Variants in FBXO43 observed in about 807,000 individuals in gnomAD.
FBXO43 encodes the protein F-box only protein 43.
In FBXO43, 22 loss-of-function variants were observed where a neutral mutation model predicts 56.7. The observed-to-expected ratio is 0.39, with a 90% CI of 0.28 to 0.55. FBXO43 has a LOEUF of 0.55. Among genes scored for constraint, FBXO43 ranks in the 20% least tolerant of loss-of-function variants. FBXO43 has a pLI of 0.66. For synonymous variants in FBXO43, 306 were observed against 294.5 expected, an observed-to-expected ratio of 1.04 and a Z score of -0.40; for missense variants, 733 against 814.9, an observed-to-expected ratio of 0.90 and a Z score of 1.22.
At position 100,133,872 on chromosome 8, in the gene FBXO43, G is replaced by T. The variant is rs1814382170; in HGVS notation, c.2057C>A (p.Ala686Glu). ...AGCATCTTTTCTATTTCTTGGCTTT[G>T]CTGCTCCTCTACTACATTCTTCAGA... Reference protein sequence around the residue: ...HGSEECSRGAAKPRNRKDALP... With the variant: ...HGSEECSRGAEKPRNRKDALP... Residue 686 changes from alanine to glutamate, a missense_variant, in exon 5 of 5, where the codon GCA (alanine) becomes GAA (glutamate). Transcript: ENST00000428847. 6.2e-7 allele frequency: 1 copy of T among 1,612,716 alleles called. No individual in the cohort carries two copies.
In FBXO43 at chr8:100,142,069, G is replaced by A; in HGVS notation, c.185C>T (p.Ser62Phe). The change falls in exon 2 of 5, where the codon TCC (serine) becomes TTC (phenylalanine). Residue 62 changes from serine (S) to phenylalanine (F), a missense_variant. Physicochemically the swap from Ser to Phe is radical, Grantham distance 155 (BLOSUM62 -2). Coordinates refer to ENST00000428847, the MANE Select transcript of FBXO43 (RefSeq NM_001029860.4). ...DSPPIVNSKY[S>F]TFRDFCSTSS... ...TGTGGAACAAAAATCTCTGAAGGTG[G>A]AGTACTTGGAGTTGACAATTGGAGG... 2 of 1,613,726 alleles carry A rather than the reference G, an allele frequency of 1.2e-6. No homozygotes were observed. The highest frequency in any genetic ancestry group is 1.7e-6 in the Non-Finnish European group (2 of 1,179,856).
At chr8:100,144,857 G>C (rs1307482761) in intron 1 of FBXO43, 194 bp downstream of exon 1, 1 of 467,984 alleles carries the variant, frequency 2.1e-6, no homozygotes, top group East Asian at 4.3e-5. Flanking sequence ...GCGTGAACCC[G>C]GGAGGTGGAG....
At chr8:100,136,881 C>T (rs755878871) in intron 3 of FBXO43, 2 of 152,336 alleles carry the variant, frequency 1.3e-5, no homozygotes, top group East Asian at 1.9e-4. Context: ...GAAATGTTCA[C>T]CATTGTAATC....
In FBXO43 at chr8:100,142,145, G is replaced by A. The variant is rs758536837; in HGVS notation, c.109C>T (p.Gln37Ter). ...TDETEILKMS[Q>*]RHSGQAGTEA... The stretch of plus-strand genomic sequence containing the variant: ...GTGCCAGCTTGACCTGAGTGCCTTT[G>A]CGACATCTTCAAAATCTCTGTTTCT... Residue 37 changes from glutamine to a stop codon, truncating the protein, a stop_gained, in exon 2 of 5, where the codon CAA becomes TAA. Coordinates refer to ENST00000428847, the MANE Select transcript of FBXO43 (RefSeq NM_001029860.4). LOFTEE classifies it high-confidence loss of function. 2 of 1,567,960 alleles carry A rather than the reference G, an allele frequency of 1.3e-6. No individual in the cohort carries two copies. The highest frequency in any genetic ancestry group is 1.7e-6 in the Non-Finnish European group (2 of 1,160,806).
chr8:100,144,176 CAA>C (rs1814745231), intron 1 of FBXO43, among the ~76,000 whole-genome samples: 1 of 152,192 alleles, frequency 6.6e-6, no homozygotes, highest in African/African-American at 2.4e-5. Context: ...TTGTTAAAAA[CAA>C]AGTGGGGAAT....
At chr8:100,144,541 A>T (rs919257535) in intron 1 of FBXO43, among the ~76,000 whole-genome samples, 7 of 152,088 alleles carry the variant, frequency 4.6e-5, no homozygotes, top group Admixed American at 2.0e-4. Flanking sequence ...TTCACGGATA[A>T]ATCAATCAAG....
rs1322183551 is a variant in FBXO43, at chr8:100,145,619, G to C, written c.-484C>G. 1 of 151,868 alleles carries C rather than the reference G, an allele frequency of 6.6e-6. No homozygotes were observed. The highest frequency in any genetic ancestry group is 1.5e-5 in the Non-Finnish European group (1 of 68,328). 9.4% of individuals were successfully genotyped at this position (151,868 alleles called of 1,614,324 possible). A position where few individuals can be genotyped will look rare whatever the true frequency, so the allele number is the denominator to read the frequency against. ...CGGGCCGCCGGGAGACCCGCTAACG[G>C]GCACTCGCCTGGGGTCCCGCCGCCT... On this transcript the variant is annotated 5_prime_UTR_variant, in exon 1 of 5. Coordinates refer to ENST00000428847, the MANE Select transcript of FBXO43 (RefSeq NM_001029860.4).
upstream of FBXO43, among the ~76,000 whole-genome samples, chr8:100,148,960 A>C (rs780021115): frequency 1.3e-5 from 2 of 152,258 alleles, no homozygotes; most frequent in Non-Finnish European, 2.9e-5. Context: ...TTCTTAATAA[A>C]GAGTTAAAAG....
In FBXO43 at chr8:100,145,041, A is replaced by T; in HGVS notation, c.85+10T>A. ...AAATGTTCTTCATTTGTTAAAGTGG[A>T]AACTCTTACCATCAGTAAATCTTGA... On this transcript the variant is annotated intron_variant, in intron 1 of 4. Transcript: ENST00000428847. 6.2e-7 allele frequency: 1 copy of T among 1,606,332 alleles called. No homozygotes were observed. The highest frequency in any genetic ancestry group is 8.5e-7 in the Non-Finnish European group (1 of 1,175,918).
At chr8:100,139,977 C>A (rs1406399178) in intron 2 of FBXO43, among the ~76,000 whole-genome samples, 1 of 152,124 alleles carries the variant, frequency 6.6e-6, no homozygotes, top group Non-Finnish European at 1.5e-5. Flanking sequence ...TTATTTCTGA[C>A]CAAGTGTCAT....
chr8:100,134,393 C>A lies in FBXO43; in HGVS notation c.1675-29G>T, dbSNP rs370217279. ...TGGTAAAGGACAAGAGGCATCAATA[C>A]TGCAATACCAAAACAGTTCCGGGAT... On this transcript the variant is annotated intron_variant, in intron 3 of 4. Coordinates refer to ENST00000428847, the MANE Select transcript of FBXO43 (RefSeq NM_001029860.4). The A allele has an allele frequency of 4.9e-5, 78 of 1,583,234 alleles. 1 individual carries two copies. Among genetic ancestry groups the A allele is most frequent in the Non-Finnish European group, 6.7e-5 (77 of 1,154,364 alleles).
chr8:100,150,217 A>G (rs1319003595), upstream of FBXO43, among the ~76,000 whole-genome samples: 11 of 152,236 alleles, frequency 7.2e-5, no homozygotes, highest in Non-Finnish European at 2.9e-5. Context: ...CTGCCCCAGT[A>G]CAGATATCAA....
At position 100,140,843 on chromosome 8, in the gene FBXO43, C is replaced by A; in HGVS notation, c.1411G>T (p.Asp471Tyr). ...TGCAGTACAGCTATTTTCTCCCCATCCCCTTGCTCTAAGAATTCATGTCCA... is the reference window on the plus strand; with the variant it reads ...TGCAGTACAGCTATTTTCTCCCCATACCCTTGCTCTAAGAATTCATGTCCA... ...NSGHEFLEQG[D>Y]GEKIAVLQCI... The change falls in exon 2 of 5, where the codon GAT (aspartate) becomes TAT (tyrosine). Residue 471 changes from aspartate (D) to tyrosine (Y), a missense_variant. Physicochemically the swap from Asp to Tyr is radical, Grantham distance 160. Coordinates refer to ENST00000428847, the MANE Select transcript of FBXO43 (RefSeq NM_001029860.4). The A allele has an allele frequency of 1.2e-6, 2 of 1,614,234 alleles. No homozygotes were observed. The highest frequency in any genetic ancestry group is 1.7e-6 in the Non-Finnish European group (2 of 1,180,044).
chr8:100,149,263 C>T (rs911934823), upstream of FBXO43, among the ~76,000 whole-genome samples: 1 of 152,226 alleles, frequency 6.6e-6, no homozygotes, highest in Non-Finnish European at 1.5e-5. Context: ...TTGTATTCTA[C>T]ATATGTTGAT....
At position 100,141,429 on chromosome 8, in the gene FBXO43, A is replaced by T. The variant is rs1048033355; in HGVS notation, c.825T>A (p.Asp275Glu). Residue 275 changes from aspartate to glutamate, a missense_variant, in exon 2 of 5, where the codon GAT (aspartate) becomes GAA (glutamate). By Grantham distance (45) the Asp-to-Glu change is conservative. Transcript: ENST00000428847. Reference sequence around the variant, plus strand: ...CCAGGAGCTCTGGACATGCATTCTCATCATTAATGCATAAACTGCTATCAC... The same window carrying T: ...CCAGGAGCTCTGGACATGCATTCTCTTCATTAATGCATAAACTGCTATCAC... ...DFSDSSLCIN[D>E]ENACPELLGS... The T allele has an allele frequency of 1.2e-6, 2 of 1,605,086 alleles. No individual in the cohort carries two copies. The highest frequency in any genetic ancestry group is 2.7e-5 in the African/African-American group (2 of 74,752).
Position 100,141,376 on chromosome 8 carries a change from C to A in FBXO43, c.878G>T (p.Gly293Val). Residue 293 changes from glycine to valine, a missense_variant, in exon 2 of 5, where the codon GGA (glycine) becomes GTA (valine). Coordinates refer to ENST00000428847, the MANE Select transcript of FBXO43 (RefSeq NM_001029860.4). Reference protein sequence around the residue: ...LGSSVSGTTCGTDEDIFVTPI... With the variant: ...LGSSVSGTTCVTDEDIFVTPI... Reference sequence around the variant, plus strand: ...AGTCACAAATATGTCCTCATCTGTTCCACAAGTTGTTCCACTAACAGAGGA... The same window carrying A: ...AGTCACAAATATGTCCTCATCTGTTACACAAGTTGTTCCACTAACAGAGGA... 1 of 1,613,404 alleles carries A rather than the reference C, an allele frequency of 6.2e-7. No individual in the cohort carries two copies. The highest frequency in any genetic ancestry group is 8.5e-7 in the Non-Finnish European group (1 of 1,180,006).
chr8:100,137,479 C>A, intron 3 of FBXO43, 86 bp downstream of exon 3: 1 of 859,712 alleles, frequency 1.2e-6, no homozygotes, highest in Non-Finnish European at 1.8e-6. Context: ...TTAAAGATAG[C>A]AGGAAAACCA....
intron 3 of FBXO43, among the ~76,000 whole-genome samples, chr8:100,135,457 A>C (rs1229805529): frequency 1.3e-5 from 2 of 152,236 alleles, no homozygotes; most frequent in African/African-American, 4.8e-5. Flanking sequence ...TTGTTAGGAT[A>C]GTCCAGTTTG....
rs1563754307 is a variant in FBXO43 at position 100,141,607 on chromosome 8, A to G, written c.647T>C (p.Val216Ala). The G allele has an allele frequency of 6.2e-7, 1 of 1,612,800 alleles. No homozygotes were observed. The highest frequency in any genetic ancestry group is 1.1e-5 in the South Asian group (1 of 91,038). Residue 216 changes from valine to alanine, a missense_variant, in exon 2 of 5, where the codon GTG (valine) becomes GCG (alanine). Val to Ala is a moderately conservative substitution (Grantham distance 64). Coordinates refer to ENST00000428847, the MANE Select transcript of FBXO43 (RefSeq NM_001029860.4). ...LVTSTLKTEE[V>A]TSCSQKLRLN... ...CCTCAATTTTTGACTGCATGAAGTC[A>G]CTTCTTCTGTTTTTAAAGTGCTAGT...
Sources: allele counts gnomAD v4.1 joint callset (sites outside exome capture counted in the v4.1 genomes callset), GRCh38; gene constraint gnomAD v4.1.1; transcripts MANE v1.5; gene names NCBI Gene and HGNC (gene_info 2026-07-23, HGNC 2026-07-21).